The following RABL6 variants were observed in gnomAD, a reference collection of about 807,000 sequenced individuals.
RABL6 encodes rab-like protein 6.
In RABL6, 28 loss-of-function variants were observed where a neutral mutation model predicts 72.9. The observed-to-expected ratio is 0.38, with a 90% CI of 0.28 to 0.53. The LOEUF (loss-of-function observed/expected upper bound fraction) is 0.53. RABL6 is among the 20% of genes least tolerant of loss of function. RABL6 has a pLI of 0.80. For missense variants in RABL6, 1,029 were observed against 1,008.4 expected (o/e 1.02, Z -0.28); for synonymous variants, 477 against 421.2 (o/e 1.13, Z -1.62).
chr9:136,823,143 G>T (rs572183608), intron 1 of RABL6, among the ~76,000 whole-genome samples: 8 of 151,076 alleles, frequency 5.3e-5, no homozygotes, highest in Non-Finnish European at 1.2e-4. Context: ...GGAGCAATCC[G>T]CAGAAGCCTG....
At chr9:136,821,252 C>T (rs1848229857) in intron 1 of RABL6, 1 of 896,348 alleles carries the variant, frequency 1.1e-6, no homozygotes, top group South Asian at 5.1e-5. Flanking sequence ...CAAGGGACGT[C>T]AGCGCGTTGG....
In RABL6 at chr9:136,837,540, C is replaced by T; in HGVS notation, c.1004C>T (p.Pro335Leu). The T allele has an allele frequency of 6.4e-7, 1 of 1,551,442 alleles. No individual in the cohort carries two copies. Among genetic ancestry groups the T allele is most frequent in the South Asian group, 1.2e-5 (1 of 84,520 alleles). Residue 335 changes from proline (P) to leucine (L), a missense_variant, in exon 9 of 15, where the codon CCT (proline) becomes CTT (leucine). Pro to Leu is a moderately conservative substitution (Grantham distance 98). This residue lies in a region of RABL6 where 434 missense variants were observed against 536.1 expected (regional missense o/e 0.81). Transcript: ENST00000311502. ...GCCGCCCCACCATCCTCTGTGCCCC[C>T]TGTACCACCCTCAGAGGCCCTGCCC... ...LNAAPPSSVP[P>L]VPPSEALPPP...
intron 1 of RABL6, 116 bp downstream of exon 1, chr9:136,808,442 C>T: frequency 1.7e-6 from 2 of 1,148,176 alleles, no homozygotes; most frequent in African/African-American, 1.6e-5. Context: ...GTGGGGTGCG[C>T]TGGGCCCGCC....
chr9:136,830,787 G>A (rs879454154), intron 5 of RABL6, among the ~76,000 whole-genome samples: 10 of 152,256 alleles, frequency 6.6e-5, no homozygotes, highest in South Asian at 4.1e-4. Flanking sequence ...CGGCAAAGGC[G>A]CTTACCTGTG....
rs567942023 is a variant in RABL6, at chr9:136,839,450, C to T, written c.1722C>T (p.Asp574=). ...TGTCCTTCGTCATGGATGACCCCGA[C>T]TTTGAGAGCGAGGGATCAGACACAC... ...QMLSFVMDDP[D]FESEGSDTQR... The change falls in exon 12 of 15, where the codon GAC becomes GAT. Residue 574 remains aspartate (D), a synonymous_variant. Coordinates refer to ENST00000311502, the MANE Select transcript of RABL6 (RefSeq NM_024718.5). 3.7e-6 allele frequency: 6 copies of T among 1,612,630 alleles called. No homozygotes were observed. In the African/African-American group the frequency reaches 5.3e-5, roughly 14 times the overall value.
At chr9:136,825,441 C>T (rs1329060157) in intron 2 of RABL6, among the ~76,000 whole-genome samples, 62 of 127,360 alleles carry the variant, frequency 4.9e-4, no homozygotes, top group African/African-American at 1.8e-3. Context: ...TGCCCAGGAT[C>T]GGGGCCGGGG....
rs1588372454 is a variant in RABL6, at chr9:136,837,508, C to T, written c.972C>T (p.Pro324=). ...CACCCCAGCCCGCCCCACAGCTGCC[C>T]CTCAATGCCGCCCCACCATCCTCTG... ...PGTPQPAPQL[P]LNAAPPSSVP... is the part of the protein sequence containing the mutation. The change falls in exon 9 of 15, where the codon CCC becomes CCT. Residue 324 remains proline, a synonymous_variant. Transcript: ENST00000311502. The T allele has an allele frequency of 6.5e-7, 1 of 1,542,536 alleles. No individual in the cohort carries two copies. The highest frequency in any genetic ancestry group is 8.7e-7 in the Non-Finnish European group (1 of 1,147,522).
intron 1 of RABL6, chr9:136,821,305 C>T (rs775440426): frequency 1.0e-6 from 1 of 983,622 alleles, no homozygotes; most frequent in Non-Finnish European, 1.2e-6. Context: ...ACCGTCTCTG[C>T]GCTCTCCGCG....
rs570604393 is a variant in RABL6 at position 136,829,821 on chromosome 9, G to A, written c.458+337G>A. On this transcript the variant is annotated intron_variant, in intron 5 of 14. Transcript: ENST00000311502. The stretch of plus-strand genomic sequence containing the variant: ...GCTGCTTGTGCTGGGGGCTCCCCGC[G>A]ACCTCCGTCTTCATGACCTAGGAGG... Among the ~76,000 whole-genome samples, 9 of 152,350 alleles carry A rather than the reference G, an allele frequency of 5.9e-5. No homozygotes were observed. The East Asian group carries it at 1.2e-3, about 20-fold the overall frequency.
rs61742818 is a variant in RABL6 at position 136,809,783 on chromosome 9, C to T, written c.130+1457C>T. Reference sequence around the variant, plus strand: ...CAGCCAACACGTTTAGGAACAGAAACGGATTATGTTGAAGACAAACAATCC... The same window carrying T: ...CAGCCAACACGTTTAGGAACAGAAATGGATTATGTTGAAGACAAACAATCC... On this transcript the variant is annotated intron_variant, in intron 1 of 14. Coordinates refer to ENST00000311502, the MANE Select transcript of RABL6 (RefSeq NM_024718.5). 9.3e-3 allele frequency: 1,468 copies of T among 157,476 alleles called. 23 individuals are homozygous for T. Among genetic ancestry groups the T allele is most frequent in the Admixed American group, 0.04 (615 of 15,346 alleles). The allele number at this position is 157,476 out of a possible 1,614,324, so 9.8% of individuals were successfully genotyped here. A position where few individuals can be genotyped will look rare whatever the true frequency, so the allele number is the denominator to read the frequency against.
chr9:136,809,463 T>G, intron 1 of RABL6: 1 of 318,628 alleles, frequency 3.1e-6, no homozygotes, highest in Admixed American at 3.6e-5. Context: ...TAAAGATAAG[T>G]CTGAGCATCT....
chr9:136,838,740 T>C (rs1848629188), intron 10 of RABL6, among the ~76,000 whole-genome samples, 169 bp from the exon 11 acceptor site: 1 of 89,908 alleles, frequency 1.1e-5, no homozygotes, highest in Admixed American at 1.1e-4. Context: ...CCCTTCCTGC[T>C]CAGAAGCCCT....
chr9:136,838,455 C>CT (rs1279562700), intron 10 of RABL6, among the ~76,000 whole-genome samples: 10 of 152,244 alleles, frequency 6.6e-5, no homozygotes, highest in African/African-American at 2.4e-4. Context: ...TCCCACCACT[C>CT]TGTCTGCCAA....
chr9:136,831,324 G>T (rs899070883), intron 5 of RABL6, among the ~76,000 whole-genome samples: 5 of 152,180 alleles, frequency 3.3e-5, no homozygotes, highest in African/African-American at 1.2e-4. Flanking sequence ...CCGGTGGGCA[G>T]GGAGCCTGGA....
At position 136,811,411 on chromosome 9, in the gene RABL6, A is replaced by T. The variant is rs530566509; in HGVS notation, c.130+3085A>T. Among the ~76,000 whole-genome samples, 11 of 152,152 alleles carry T rather than the reference A, an allele frequency of 7.2e-5. No homozygotes were observed. The South Asian group carries it at 2.1e-3, about 29-fold the overall frequency. On this transcript the variant is annotated intron_variant, in intron 1 of 14. Coordinates refer to ENST00000311502, the MANE Select transcript of RABL6 (RefSeq NM_024718.5). ...GGCAGGCGGACAACCTGAGGCCAGG[A>T]GTTCAAGACCAGCCTGGCCAACATG... is the stretch of plus-strand genomic sequence containing the variant.
intron 8 of RABL6, chr9:136,836,833 C>T (rs1479614511): frequency 3.6e-6 from 1 of 276,332 alleles, no homozygotes; most frequent in Non-Finnish European, 7.1e-6. Flanking sequence ...GGGAGCTGGA[C>T]ACATGTACGC....
In RABL6 at chr9:136,840,197, G is replaced by C; in HGVS notation, c.1974G>C (p.Lys658Asn). 2 of 1,612,698 alleles carry C rather than the reference G, an allele frequency of 1.2e-6. No homozygotes were observed. Among genetic ancestry groups the C allele is most frequent in the Non-Finnish European group, 1.7e-6 (2 of 1,179,760 alleles). Residue 658 changes from lysine (K) to asparagine (N), a missense_variant, in exon 14 of 15, where the codon AAG becomes AAC. Coordinates refer to ENST00000311502, the MANE Select transcript of RABL6 (RefSeq NM_024718.5). ...CCTCTAAGGAGAAGAAGAAGAAGAA[G>C]AAAAAAGGCAAAGAGGTACTGGCTA... is the stretch of plus-strand genomic sequence containing the variant. ...KTPSKEKKKK[K>N]KKGKEEEEKA... is the part of the protein sequence containing the mutation.
chr9:136,830,269 G>A (rs1021203243), intron 5 of RABL6, among the ~76,000 whole-genome samples: 9 of 152,216 alleles, frequency 5.9e-5, no homozygotes, highest in South Asian at 2.1e-4. Flanking sequence ...CGCCTGTCAC[G>A]GGGCCGCACA....
At chr9:136,820,835 A>G (rs1466566455) in intron 1 of RABL6, among the ~76,000 whole-genome samples, 1 of 152,194 alleles carries the variant, frequency 6.6e-6, no homozygotes, top group Non-Finnish European at 1.5e-5. Flanking sequence ...AAAGAGAAAA[A>G]TATCAATGGA....
Sources: allele counts gnomAD v4.1 joint callset (sites outside exome capture counted in the v4.1 genomes callset), GRCh38; gene constraint gnomAD v4.1.1; regional missense constraint gnomAD v4.1.1; transcripts MANE v1.5; gene names NCBI Gene and HGNC (gene_info 2026-07-23, HGNC 2026-07-21).